GXYLT1: variants seen among roughly 807,000 people sequenced by gnomAD.
GXYLT1 encodes glucoside xylosyltransferase 1.
Under a neutral mutation model 54.0 loss-of-function variants are expected in GXYLT1, and 29 were observed. The observed-to-expected ratio is 0.54, with a 90% CI of 0.40 to 0.73. GXYLT1 has a LOEUF of 0.73. GXYLT1 is among the 30% of genes least tolerant of loss of function. The probability of loss-of-function intolerance (pLI) is 0.00; values close to 1 mark genes in which losing one functional copy is unlikely to be tolerated. For missense variants in GXYLT1, 490 were observed against 553.4 expected (o/e 0.89, Z 1.15); for synonymous variants, 176 against 204.1 (o/e 0.86, Z 1.17).
In GXYLT1 at chr12:42,097,546, G is replaced by A. The variant is rs2065362975; in HGVS notation, c.1057C>T (p.Gln353Ter). 1 of 1,611,734 alleles carries A rather than the reference G, an allele frequency of 6.2e-7. No homozygotes were observed. The highest frequency in any genetic ancestry group is 1.3e-5 in the African/African-American group (1 of 74,744). The change falls in exon 7 of 8, where the codon CAA becomes TAA. Residue 353 changes from glutamine (Q) to a stop codon, truncating the protein, a stop_gained. Transcript: ENST00000398675. LOFTEE classifies it high-confidence loss of function. ...PDHCIYGSNC[Q>*]EAEEGGIFIL... ...AAGATTCCTCCTTCTTCTGCTTCTT[G>A]GCAATTGCTTCCATATATACAATGA...
chr12:42,132,849 CAACA>C (rs1217399984), intron 1 of GXYLT1, among the ~76,000 whole-genome samples: 1 of 151,846 alleles, frequency 6.6e-6, no homozygotes, highest in Non-Finnish European at 1.5e-5. Context: ...TCAACAAGAC[CAACA>C]TATTGAACAA....
At chr12:42,093,546 A>G (rs1258205897) in intron 7 of GXYLT1, among the ~76,000 whole-genome samples, 1 of 152,250 alleles carries the variant, frequency 6.6e-6, no homozygotes, top group African/African-American at 2.4e-5. Flanking sequence ...AAGCACCTTT[A>G]TAATTAAAAT....
At chr12:42,094,622 G>A (rs899818496) in intron 7 of GXYLT1, among the ~76,000 whole-genome samples, 1 of 151,356 alleles carries the variant, frequency 6.6e-6, no homozygotes, top group Non-Finnish European at 1.5e-5. Flanking sequence ...CTGTGCCACT[G>A]CACTCCAGCC....
intron 3 of GXYLT1, among the ~76,000 whole-genome samples, chr12:42,114,977 T>A (rs2065484181): frequency 6.6e-6 from 1 of 152,172 alleles, no homozygotes; most frequent in Non-Finnish European, 1.5e-5. Context: ...TGGTTCAACA[T>A]ATGGAAATCA....
At position 42,124,485 on chromosome 12, in the gene GXYLT1, A is replaced by G. The variant is rs139071235; in HGVS notation, c.314+5274T>C. On this transcript the variant is annotated intron_variant, in intron 2 of 7. Transcript: ENST00000398675. ...TTAAAAATTCAATAGATAACTATCA[A>G]TATCAAATAGATGATATACAGAACA... Among the ~76,000 whole-genome samples the G allele has an allele frequency of 2.9e-3, 436 of 152,296 alleles. 1 individual carries two copies. Among genetic ancestry groups the G allele is most frequent in the African/African-American group, 9.4e-3 (389 of 41,592 alleles).
At chr12:42,123,495 T>G (rs182217143) in intron 2 of GXYLT1, among the ~76,000 whole-genome samples, 2 of 152,170 alleles carry the variant, frequency 1.3e-5, no homozygotes, top group East Asian at 3.9e-4. Context: ...ATTTAGGAGG[T>G]AGGGGTTTAT....
At chr12:42,122,208 A>AT (rs2065535330) in intron 2 of GXYLT1, among the ~76,000 whole-genome samples, 1 of 152,224 alleles carries the variant, frequency 6.6e-6, no homozygotes, top group African/African-American at 2.4e-5. Flanking sequence ...TGATTCAAAG[A>AT]TAATATCTGA....
intron 3 of GXYLT1, among the ~76,000 whole-genome samples, chr12:42,114,392 CAAAG>C (rs955670265): frequency 2.6e-5 from 4 of 151,772 alleles, no homozygotes; most frequent in Non-Finnish European, 4.4e-5. Flanking sequence ...GCAAGACTAA[CAAAG>C]AAGAAAAGAG....
chr12:42,110,924 T>C (rs2065449837), intron 3 of GXYLT1, among the ~76,000 whole-genome samples: 2 of 152,200 alleles, frequency 1.3e-5, no homozygotes, highest in Non-Finnish European at 2.9e-5. Context: ...TCAGTGATTA[T>C]TACAGTCAAA....
Position 42,105,882 on chromosome 12 carries a change from T to C in GXYLT1, c.800A>G (p.Lys267Arg). 2 of 1,613,826 alleles carry C rather than the reference T, an allele frequency of 1.2e-6. No individual in the cohort carries two copies. The highest frequency in any genetic ancestry group is 1.7e-6 in the Non-Finnish European group (2 of 1,179,742). ...CATAACTCCAGAGTTTACTCCAGTT[T>C]TTCCATAATATGGATGCCTAGCAAA... ...NRFARHPYYG[K>R]TGVNSGVMLM... The change falls in exon 5 of 8, where the codon AAA becomes AGA. Residue 267 changes from lysine (K) to arginine (R), a missense_variant. Lys to Arg is a conservative substitution (Grantham distance 26). This residue lies in a region of GXYLT1 where 342 missense variants were observed against 342.6 expected (regional missense o/e 1.00). Transcript: ENST00000398675.
In GXYLT1 at chr12:42,087,861, T is replaced by C. The variant is rs202229719; in HGVS notation, c.1248A>G (p.Lys416=). 2.7e-4 allele frequency: 429 copies of C among 1,603,526 alleles called. 1 individual carries two copies. The South Asian group carries it at 3.4e-3, about 13-fold the overall frequency. ...GTTGTTTGATAAATATTTTGTAAATTTTTCCACAGTATGTATGCACTGTTT... is the reference window on the plus strand; with the variant it reads ...GTTGTTTGATAAATATTTTGTAAATCTTTCCACAGTATGTATGCACTGTTT... ...LQKTVHTYCG[K]IYKIFIKQLA... Residue 416 remains lysine (K), a synonymous_variant, in exon 8 of 8, where the codon AAA becomes AAG. Coordinates refer to ENST00000398675, the MANE Select transcript of GXYLT1 (RefSeq NM_173601.2).
intron 2 of GXYLT1, among the ~76,000 whole-genome samples, chr12:42,122,004 G>A (rs1166033521): frequency 2.6e-5 from 4 of 152,142 alleles, no homozygotes; most frequent in Non-Finnish European, 5.9e-5. Flanking sequence ...AGCAGTTACA[G>A]GGAAGCAGTC....
chr12:42,123,307 A>T (rs768427870), intron 2 of GXYLT1, among the ~76,000 whole-genome samples: 1 of 152,180 alleles, frequency 6.6e-6, no homozygotes, highest in Non-Finnish European at 1.5e-5. Context: ...TTCTTAGGAG[A>T]TACATGCTGA....
At chr12:42,101,940 C>T (rs542964563) in intron 5 of GXYLT1, among the ~76,000 whole-genome samples, 18 of 152,246 alleles carry the variant, frequency 1.2e-4, no homozygotes, top group African/African-American at 4.3e-4. Flanking sequence ...TGGGTGGAGG[C>T]ATGAAAGTGT....
chr12:42,128,522 A>C (rs190027671), intron 2 of GXYLT1, among the ~76,000 whole-genome samples: 107 of 152,230 alleles, frequency 7.0e-4, no homozygotes, highest in African/African-American at 2.2e-3. Flanking sequence ...CTGATGCTTT[A>C]AGATGACTCA....
chr12:42,110,668 G>A (rs1426238713), intron 3 of GXYLT1, among the ~76,000 whole-genome samples: 3 of 152,170 alleles, frequency 2.0e-5, no homozygotes, highest in Middle Eastern at 3.4e-3. Context: ...TCCCACCTCA[G>A]GCCTCCCAAG....
intron 5 of GXYLT1, among the ~76,000 whole-genome samples, chr12:42,100,924 A>AC (rs2065386143): frequency 1.3e-5 from 2 of 151,854 alleles, no homozygotes. Context: ...AATTATAAAA[A>AC]CCAATATAAA....
intron 1 of GXYLT1, among the ~76,000 whole-genome samples, chr12:42,130,259 C>T (rs2065586710): frequency 6.6e-6 from 1 of 152,090 alleles, no homozygotes; most frequent in African/African-American, 2.4e-5. Context: ...CCAATACTGG[C>T]AGAAAGGGAA....
At chr12:42,098,760 C>CATAT (rs60199719) in intron 5 of GXYLT1, among the ~76,000 whole-genome samples, 4,636 of 96,858 alleles carry the variant, frequency 0.048, 409 homozygotes, top group East Asian at 0.16. Flanking sequence ...AAATTTAAAA[C>CATAT]ATATATATAT....
Sources: gnomAD v4.1 joint callset for allele counts (sites outside exome capture counted in the v4.1 genomes callset) on GRCh38, gnomAD v4.1.1 for gene constraint, gnomAD v4.1.1 regional missense constraint, MANE v1.5 for transcripts, NCBI Gene and HGNC (gene_info 2026-07-23, HGNC 2026-07-21) for gene names.